Variants in PAK4 observed in about 807,000 individuals in gnomAD.
PAK4 encodes p21 (RAC1) activated kinase 4, also known as serine/threonine-protein kinase PAK 4.
Under a neutral mutation model 53.5 loss-of-function variants are expected in PAK4, and 49 were observed. The ratio of observed to expected loss-of-function variants is 0.92; its 90% CI spans 0.73 to 1.16. PAK4 has a LOEUF of 1.16. PAK4 is among the 50% of genes most tolerant of loss of function. PAK4 has a pLI of 0.00. For missense variants in PAK4, 824 were observed against 850.7 expected (o/e 0.97, Z 0.39); for synonymous variants, 376 against 375.6 (o/e 1.00, Z -0.01).
intron 1 of PAK4, among the ~76,000 whole-genome samples, chr19:39,144,363 A>G (rs190586478): frequency 1.5e-3 from 221 of 152,232 alleles, no homozygotes; most frequent in South Asian, 0.013. Context: ...TTGCACCAGG[A>G]TGGAGCCTGC....
At chr19:39,169,692 G>T in exon 2 of PAK4, 1 of 1,612,278 alleles carries the variant, frequency 6.2e-7, no homozygotes, top group Non-Finnish European at 8.5e-7. Context: ...CGAGGAGTCG[G>T]CTCGCCGGCC....
chr19:39,149,245 C>T (rs549366408), intron 1 of PAK4, among the ~76,000 whole-genome samples: 63 of 152,274 alleles, frequency 4.1e-4, no homozygotes, highest in South Asian at 8.3e-4. Context: ...GAAACAGCTC[C>T]GTGTCCATCA....
chr19:39,149,409 A>G (rs910130006), intron 1 of PAK4, among the ~76,000 whole-genome samples: 2 of 152,238 alleles, frequency 1.3e-5, no homozygotes, highest in African/African-American at 4.8e-5. Flanking sequence ...GAAATCCTCT[A>G]TGATTCCACT....
At chr19:39,153,685 A>G (rs1478205288) in intron 1 of PAK4, among the ~76,000 whole-genome samples, 3 of 151,948 alleles carry the variant, frequency 2.0e-5, no homozygotes, top group Admixed American at 2.0e-4. Context: ...CAGGCGATCC[A>G]CTCGCCTTGG....
At position 39,173,369 on chromosome 19, in the gene PAK4, G is replaced by T; in HGVS notation, c.656G>T (p.Gly219Val). The change falls in exon 3 of 9, where the codon GGT (glycine) becomes GTT (valine). Residue 219 changes from glycine (G) to valine (V), a missense_variant. Physicochemically the swap from Gly to Val is moderately radical, Grantham distance 109 (BLOSUM62 -3). Around this residue, in one of 2 missense-constraint regions of PAK4, gnomAD observed 478 missense variants for 435.8 expected, o/e 1.10. Coordinates refer to ENST00000358301, the Ensembl canonical transcript of PAK4. This position sits in a 1 kb window ranked among gnomAD's most constrained non-coding sequence, Gnocchi z 6.9. ...GCTGACACGGACCACCCATCCCGGG[G>T]TGCCCAGGTAACCCATCCCCCGCCC... 6.5e-7 allele frequency: 1 copy of T among 1,528,886 alleles called. No homozygotes were observed. Among genetic ancestry groups the T allele is most frequent in the Non-Finnish European group, 8.8e-7 (1 of 1,136,492 alleles). 94.7% of individuals were successfully genotyped at this position (1,528,886 alleles called of 1,614,324 possible).
At chr19:39,162,134 T>C (rs1413384457) in intron 1 of PAK4, among the ~76,000 whole-genome samples, 1 of 151,692 alleles carries the variant, frequency 6.6e-6, no homozygotes, top group Non-Finnish European at 1.5e-5. Flanking sequence ...TAATTTTTTG[T>C]ATTTTTAGTG....
At chr19:39,148,172 G>A (rs1216428157) in intron 1 of PAK4, among the ~76,000 whole-genome samples, 2 of 151,336 alleles carry the variant, frequency 1.3e-5, no homozygotes, top group African/African-American at 2.4e-5. Context: ...GGCTGGTCTC[G>A]AACTCCTGAC....
chr19:39,134,502 C>T (rs2073774007), intron 1 of PAK4, among the ~76,000 whole-genome samples: 1 of 149,838 alleles, frequency 6.7e-6, no homozygotes, highest in Admixed American at 6.6e-5. Context: ...TGGAATCTTC[C>T]AGTATGTCCT....
At chr19:39,144,144 ATAGATAGATAGATAGATTAGAT>A (rs1488621831) in intron 1 of PAK4, among the ~76,000 whole-genome samples, 17 of 98,358 alleles carry the variant, frequency 1.7e-4, no homozygotes, top group African/African-American at 6.8e-4. Context: ...AGACAGACAG[ATAGATAGATAGATAGATTAGAT>A]TAGATAGATA....
chr19:39,148,867 C>A (rs1430299781), intron 1 of PAK4, among the ~76,000 whole-genome samples: 1 of 151,670 alleles, frequency 6.6e-6, no homozygotes, highest in Non-Finnish European at 1.5e-5. Flanking sequence ...TTTTTTCCCC[C>A]GTTTGGCATG....
At chr19:39,140,338 A>T (rs34808880) in intron 1 of PAK4, among the ~76,000 whole-genome samples, 37,352 of 151,958 alleles carry the variant, frequency 0.25, 4,780 homozygotes, top group East Asian at 0.4. Flanking sequence ...TGGCCTCCCT[A>T]ACAGCTCCTG....
Position 39,178,339 on chromosome 19 carries a change from G to T in PAK4, c.1621-85G>T, listed in dbSNP as rs1024027945. On this transcript the variant is annotated intron_variant, in intron 8 of 8. Coordinates refer to ENST00000358301, the Ensembl canonical transcript of PAK4. The surrounding 1 kb of genome is among the most constrained non-coding windows in gnomAD (Gnocchi z 4.4). ...TCCTGCACAGTACATGCCGCCAGCC[G>T]ACTTGGCAGAGGCGGACACTGCAGC... 1.4e-6 allele frequency: 2 copies of T among 1,458,616 alleles called. No homozygotes were observed. Among genetic ancestry groups the T allele is most frequent in the South Asian group, 1.3e-5 (1 of 79,902 alleles). The allele number at this position is 1,458,616 out of a possible 1,614,324, so 90.4% of individuals were successfully genotyped here.
At position 39,178,880 on chromosome 19, in the gene PAK4, G is replaced by T. The variant is rs2074664635; in HGVS notation, c.*301G>T. The T allele has an allele frequency of 2.7e-6, 1 of 370,726 alleles. No homozygotes were observed. The highest frequency in any genetic ancestry group is 4.9e-6 in the Non-Finnish European group (1 of 204,070). 23.0% of individuals were successfully genotyped at this position (370,726 alleles called of 1,614,324 possible). A position where few individuals can be genotyped will look rare whatever the true frequency, so the allele number is the denominator to read the frequency against. ...GGCAGCGGCCCTCCCATCACTGGAA[G>T]TCTGCAGTGGGGGTCGCTGGGGGTG... On this transcript the variant is annotated 3_prime_UTR_variant, in exon 9 of 9. Transcript: ENST00000358301. This position sits in a 1 kb window ranked among gnomAD's most constrained non-coding sequence, Gnocchi z 4.4.
At chr19:39,134,485 A>T (rs1213844474) in intron 1 of PAK4, among the ~76,000 whole-genome samples, 1 of 152,118 alleles carries the variant, frequency 6.6e-6, no homozygotes, top group Admixed American at 6.5e-5. Flanking sequence ...TTTGAACTTG[A>T]CATAAATGGA....
At chr19:39,160,225 C>T (rs1032443476) in intron 1 of PAK4, among the ~76,000 whole-genome samples, 9 of 152,230 alleles carry the variant, frequency 5.9e-5, no homozygotes, top group South Asian at 2.1e-4. Flanking sequence ...GTGTCTGTCT[C>T]GGCCCCATCC....
In PAK4 at chr19:39,127,581, T is replaced by A. The variant is rs186492147; in HGVS notation, c.-23+1662T>A. ...TGGCCTGCAGAGGATGTGACATTGCTGGGGGTTGACTGTTGGGCACTGTGC... is the reference window on the plus strand; with the variant it reads ...TGGCCTGCAGAGGATGTGACATTGCAGGGGGTTGACTGTTGGGCACTGTGC... On this transcript the variant is annotated intron_variant, in intron 1 of 8. Coordinates refer to ENST00000358301, the Ensembl canonical transcript of PAK4. Among the ~76,000 whole-genome samples, 28 of 152,186 alleles carry A rather than the reference T, an allele frequency of 1.8e-4. No individual in the cohort carries two copies. In the South Asian group the frequency reaches 4.8e-3, roughly 26 times the overall value.
At chr19:39,164,969 G>A (rs551977888) in intron 1 of PAK4, among the ~76,000 whole-genome samples, 12 of 152,062 alleles carry the variant, frequency 7.9e-5, no homozygotes, top group Non-Finnish European at 1.6e-4. Context: ...ACAGGCCCAT[G>A]GGAAAGGCTG....
chr19:39,154,926 A>G (rs1421300263), intron 1 of PAK4, among the ~76,000 whole-genome samples: 1 of 151,062 alleles, frequency 6.6e-6, no homozygotes, highest in Non-Finnish European at 1.5e-5. Flanking sequence ...TCACTGTGAC[A>G]GGGGGTGGAC....
At chr19:39,177,730 C>A (rs368539931) in exon 8 of PAK4, 1 of 1,613,552 alleles carries the variant, frequency 6.2e-7, no homozygotes, top group African/African-American at 1.3e-5. Context: ...GGAGAGCCCC[C>A]CTACTTCAAC....
Sources: allele counts gnomAD v4.1 joint callset (sites outside exome capture counted in the v4.1 genomes callset), GRCh38; gene constraint gnomAD v4.1.1; regional missense constraint gnomAD v4.1.1; non-coding constraint Gnocchi (gnomAD v3.1); transcripts MANE v1.5; gene names NCBI Gene and HGNC (gene_info 2026-07-23, HGNC 2026-07-21).